The following KSR1 variants were observed in gnomAD, a reference collection of about 807,000 sequenced individuals.
KSR1 encodes kinase suppressor of ras.
Under a neutral mutation model 92.9 loss-of-function variants are expected in KSR1, and 35 were observed. The observed-to-expected ratio is 0.38, with a 90% CI of 0.29 to 0.50. KSR1 has a LOEUF of 0.50. Ranked by LOEUF, KSR1 falls within the 20% of genes least tolerant of loss-of-function variation. The probability of loss-of-function intolerance (pLI) is 0.94; values close to 1 mark genes in which losing one functional copy is unlikely to be tolerated. For synonymous variants in KSR1, 467 were observed against 472.6 expected, an observed-to-expected ratio of 0.99 and a Z score of 0.15; for missense variants, 972 against 1,158.5, an observed-to-expected ratio of 0.84 and a Z score of 2.34.
intron 1 of KSR1, among the ~76,000 whole-genome samples, chr17:27,504,621 G>C (rs964094973): frequency 2.0e-5 from 3 of 152,172 alleles, no homozygotes; most frequent in African/African-American, 7.2e-5. Flanking sequence ...TGGGCAGGAA[G>C]CACCGCAGTC....
intron 5 of KSR1, among the ~76,000 whole-genome samples, chr17:27,586,734 G>A (rs2945374): frequency 0.42 from 64,069 of 152,124 alleles, 13,659 homozygotes; most frequent in Non-Finnish European, 0.46. Flanking sequence ...GCGGTGCTTG[G>A]CACATACACC....
chr17:27,598,908 G>A (rs1458595668), intron 10 of KSR1, among the ~76,000 whole-genome samples: 1 of 152,124 alleles, frequency 6.6e-6, no homozygotes, highest in East Asian at 1.9e-4. Flanking sequence ...AGCTGGAGAA[G>A]GCACGCCTCC....
Position 27,623,756 on chromosome 17 carries a change from G to T in KSR1, c.*364G>T. 1.8e-6 allele frequency: 1 copy of T among 551,016 alleles called. No homozygotes were observed. Among genetic ancestry groups the T allele is most frequent in the Non-Finnish European group, 3.1e-6 (1 of 319,044 alleles). The allele number at this position is 551,016 out of a possible 1,614,324, so 34.1% of individuals were successfully genotyped here. On this transcript the variant is annotated 3_prime_UTR_variant, in exon 21 of 21. Coordinates refer to ENST00000644974, the MANE Select transcript of KSR1 (RefSeq NM_001394583.1). ...CATCCCCTCTGAGGACCTTGTAGGCGGTGAGGGACCCATGCTGGGCCAGAA... is the reference window on the plus strand; with the variant it reads ...CATCCCCTCTGAGGACCTTGTAGGCTGTGAGGGACCCATGCTGGGCCAGAA...
At chr17:27,617,117 A>T (rs767845636) in intron 18 of KSR1, among the ~76,000 whole-genome samples, 178 bp from the exon 19 acceptor site, 1 of 152,148 alleles carries the variant, frequency 6.6e-6, no homozygotes, top group Non-Finnish European at 1.5e-5. Flanking sequence ...AACCAGAAGC[A>T]TGAGTGGTTC....
chr17:27,539,576 C>T (rs922155265), intron 1 of KSR1, among the ~76,000 whole-genome samples: 11 of 152,172 alleles, frequency 7.2e-5, no homozygotes, highest in Admixed American at 1.3e-4. Context: ...CCAACGGTGC[C>T]GGGCATTGGG....
At chr17:27,546,687 G>T (rs1223641220) in intron 1 of KSR1, among the ~76,000 whole-genome samples, 4 of 152,186 alleles carry the variant, frequency 2.6e-5, no homozygotes, top group African/African-American at 4.8e-5. Flanking sequence ...GAGCTGGGGG[G>T]CTGGGGGAAG....
chr17:27,596,569 A>C (rs569247959), intron 9 of KSR1, among the ~76,000 whole-genome samples: 18 of 152,328 alleles, frequency 1.2e-4, no homozygotes, highest in Non-Finnish European at 1.9e-4. Context: ...TCTTCTAGAA[A>C]GTTCTTTCTA....
At position 27,600,757 on chromosome 17, in the gene KSR1, C is replaced by G. The variant is rs139235927; in HGVS notation, c.1469-603C>G. Among the ~76,000 whole-genome samples the G allele has an allele frequency of 5.0e-4, 76 of 152,306 alleles. 1 individual carries two copies. The highest frequency in any genetic ancestry group is 1.0e-3 in the South Asian group (5 of 4,832). On this transcript the variant is annotated intron_variant, in intron 10 of 20. Transcript: ENST00000644974. ...GTCCCTTGTTGACCAAAACAACATTCTGTGGCACATGACTGTATTTACACC... is the reference window on the plus strand; with the variant it reads ...GTCCCTTGTTGACCAAAACAACATTGTGTGGCACATGACTGTATTTACACC...
chr17:27,572,923 A>G, intron 2 of KSR1, among the ~76,000 whole-genome samples: 1 of 152,068 alleles, frequency 6.6e-6, no homozygotes, highest in Non-Finnish European at 1.5e-5. Flanking sequence ...TCCTTTCTTG[A>G]TTAAGTTAAC....
At chr17:27,536,948 T>G (rs957456912) in intron 1 of KSR1, among the ~76,000 whole-genome samples, 34 of 152,210 alleles carry the variant, frequency 2.2e-4, no homozygotes, top group African/African-American at 7.5e-4. Context: ...TGTGGCCGTC[T>G]TCAATCTGCT....
chr17:27,548,298 T>G (rs2071262193), intron 1 of KSR1, among the ~76,000 whole-genome samples: 1 of 151,948 alleles, frequency 6.6e-6, no homozygotes, highest in Non-Finnish European at 1.5e-5. Context: ...AAAGAGATCA[T>G]GGGCCTCCCT....
intron 1 of KSR1, among the ~76,000 whole-genome samples, chr17:27,517,743 C>T (rs1435453060): frequency 1.3e-5 from 2 of 152,204 alleles, no homozygotes; most frequent in Non-Finnish European, 2.9e-5. Context: ...TGGGTGAGCT[C>T]AGAGAATCCA....
chr17:27,503,561 AACTC>A (rs1332604056), intron 1 of KSR1, among the ~76,000 whole-genome samples: 8 of 152,158 alleles, frequency 5.3e-5, no homozygotes, highest in Non-Finnish European at 1.0e-4. Context: ...TGGTATCGTT[AACTC>A]CTGCTCAAAT....
chr17:27,565,551 A>C (rs2072029075), intron 2 of KSR1, among the ~76,000 whole-genome samples: 1 of 152,152 alleles, frequency 6.6e-6, no homozygotes, highest in African/African-American at 2.4e-5. Context: ...TAGTCTCCCA[A>C]GTAGCTGGGA....
intron 3 of KSR1, among the ~76,000 whole-genome samples, chr17:27,582,362 T>C (rs995265490): frequency 1.3e-5 from 2 of 152,224 alleles, no homozygotes; most frequent in African/African-American, 4.8e-5. Flanking sequence ...GTCATGTCGG[T>C]GCTCAGAAAT....
chr17:27,512,511 T>C (rs1462721884), intron 1 of KSR1, among the ~76,000 whole-genome samples: 3 of 152,132 alleles, frequency 2.0e-5, no homozygotes, highest in Non-Finnish European at 2.9e-5. Flanking sequence ...TTACCTGAGG[T>C]CACAGGAGTT....
intron 2 of KSR1, among the ~76,000 whole-genome samples, chr17:27,557,435 A>G (rs1015179408): frequency 1.3e-5 from 2 of 152,124 alleles, no homozygotes; most frequent in Non-Finnish European, 2.9e-5. Flanking sequence ...GCTGGTGCCC[A>G]CTGTGGTGGG....
In KSR1 at chr17:27,577,461, C is replaced by T. The variant is rs555003173; in HGVS notation, c.373-31C>T. ...GCTCCCGGCCCAGCCGACTGCTCAC[C>T]GCCTCTCTGCCTGTCCCTCTGTCCC... On this transcript the variant is annotated intron_variant, in intron 2 of 20. Coordinates refer to ENST00000644974, the MANE Select transcript of KSR1 (RefSeq NM_001394583.1). This position sits in a 1 kb window ranked among gnomAD's most constrained non-coding sequence, Gnocchi z 4.5. 6.5e-5 allele frequency: 89 copies of T among 1,368,796 alleles called. No individual in the cohort carries two copies. In the East Asian group the frequency reaches 9.2e-4, roughly 14 times the overall value. 84.8% of individuals were successfully genotyped at this position (1,368,796 alleles called of 1,614,324 possible).
At chr17:27,616,070 A>G (rs922213492) in intron 18 of KSR1, among the ~76,000 whole-genome samples, 1 of 152,182 alleles carries the variant, frequency 6.6e-6, no homozygotes, top group Non-Finnish European at 1.5e-5. Context: ...TCATAAACAT[A>G]TATCTGAGGG....
Sources: allele counts gnomAD v4.1 joint callset (sites outside exome capture counted in the v4.1 genomes callset), GRCh38; gene constraint gnomAD v4.1.1; non-coding constraint Gnocchi (gnomAD v3.1); transcripts MANE v1.5; gene names NCBI Gene and HGNC (gene_info 2026-07-23, HGNC 2026-07-21).